Variants in DCC observed in about 807,000 individuals in gnomAD.
DCC encodes DCC netrin 1 receptor.
Under a neutral mutation model 172.5 loss-of-function variants are expected in DCC, and 58 were observed. The ratio of observed to expected loss-of-function variants is 0.34; its 90% CI spans 0.27 to 0.42. The LOEUF is 0.42. Ranked by LOEUF, DCC falls within the 10% of genes least tolerant of loss-of-function variation. The pLI, the probability that DCC is intolerant of heterozygous loss-of-function variation, is 1.00. For missense variants in DCC, 1,740 were observed against 1,791.0 expected (o/e 0.97, Z 0.51); for synonymous variants, 709 against 644.5 (o/e 1.10, Z -1.52).
intron 1 of DCC, among the ~76,000 whole-genome samples, chr18:52,581,306 GC>G (rs1266570350): frequency 4.7e-5 from 6 of 128,934 alleles, no homozygotes; most frequent in Admixed American, 1.6e-4. Flanking sequence ...ATGGCCTTAG[GC>G]AAACTATTTA....
rs935927449 is a variant in DCC, at chr18:53,534,688, C to T, written c.*4035C>T. ...CCATTCCAATGCAAAATATATGTAC[C>T]CATGCCTCAATGTATCTTGCTATCT... On this transcript the variant is annotated 3_prime_UTR_variant, in exon 29 of 29. Transcript: ENST00000442544. 1.3e-5 allele frequency: 2 copies of T among 152,014 alleles called. No homozygotes were observed. The highest frequency in any genetic ancestry group is 2.4e-5 in the African/African-American group (1 of 41,362). 9.4% of individuals were successfully genotyped at this position (152,014 alleles called of 1,614,324 possible). A position where few individuals can be genotyped will look rare whatever the true frequency, so the allele number is the denominator to read the frequency against.
intron 1 of DCC, among the ~76,000 whole-genome samples, chr18:52,738,134 T>G (rs2036757149): frequency 6.6e-6 from 1 of 152,166 alleles, no homozygotes; most frequent in South Asian, 2.1e-4. Flanking sequence ...TGATGGAAAG[T>G]TTGCCTTACC....
intron 1 of DCC, among the ~76,000 whole-genome samples, chr18:52,543,072 G>C (rs1449489057): frequency 2.0e-5 from 3 of 152,194 alleles, no homozygotes; most frequent in South Asian, 2.1e-4. Context: ...TATCAGGAGA[G>C]AGCCTGGGCT....
rs565625852 is a variant in DCC, at chr18:53,522,759, T to A, written c.4112-3858T>A. ...CCCCTCCTTACACCTTATACAAAAATTAACTCAAGATGGATTAAAGACTTA... is the reference window on the plus strand; with the variant it reads ...CCCCTCCTTACACCTTATACAAAAAATAACTCAAGATGGATTAAAGACTTA... On this transcript the variant is annotated intron_variant, in intron 27 of 28. Transcript: ENST00000442544. 1.1e-4 allele frequency among the ~76,000 whole-genome samples: 17 copies of A among 152,166 alleles called. No homozygotes were observed. In the South Asian group the frequency reaches 3.3e-3, roughly 30 times the overall value.
At chr18:52,748,955 G>T (rs573876733) in intron 1 of DCC, among the ~76,000 whole-genome samples, 1 of 152,186 alleles carries the variant, frequency 6.6e-6, no homozygotes, top group Non-Finnish European at 1.5e-5. Context: ...TCAGCACTTC[G>T]GGAGGCTGAG....
intron 12 of DCC, among the ~76,000 whole-genome samples, chr18:53,299,187 A>G (rs943782297): frequency 2.0e-5 from 3 of 152,192 alleles, no homozygotes; most frequent in African/African-American, 7.2e-5. Flanking sequence ...GTGTGTATTT[A>G]AGACTATGAG....
rs573378384 is a variant in DCC at position 52,415,657 on chromosome 18, G to A, written c.91+74779G>A. Among the ~76,000 whole-genome samples, 4 of 152,098 alleles carry A rather than the reference G, an allele frequency of 2.6e-5. No homozygotes were observed. The South Asian group carries it at 6.3e-4, about 24-fold the overall frequency. ...GGAGAGGTGATTAGGGAGGCTGTACGGTGCTGCCATATTATAAAAATAGAA... is the reference window on the plus strand; with the variant it reads ...GGAGAGGTGATTAGGGAGGCTGTACAGTGCTGCCATATTATAAAAATAGAA... On this transcript the variant is annotated intron_variant, in intron 1 of 28. Coordinates refer to ENST00000442544, the MANE Select transcript of DCC (RefSeq NM_005215.4).
chr18:52,984,653 C>T (rs188326353), intron 5 of DCC, among the ~76,000 whole-genome samples: 83 of 152,178 alleles, frequency 5.5e-4, no homozygotes, highest in Middle Eastern at 6.8e-3. Flanking sequence ...CATACATGCT[C>T]TTTGCCAATC....
intron 27 of DCC, among the ~76,000 whole-genome samples, chr18:53,507,169 AAGT>A (rs2046190807): frequency 6.6e-6 from 1 of 151,512 alleles, no homozygotes; most frequent in African/African-American, 2.4e-5. Context: ...TAAGTATTCT[AAGT>A]AGTTGACAGA....
rs946253525 is a variant in DCC at position 53,426,016 on chromosome 18, A to T, written c.3164-9128A>T. 3.3e-5 allele frequency among the ~76,000 whole-genome samples: 5 copies of T among 151,864 alleles called. No individual in the cohort carries two copies. The East Asian group carries it at 9.7e-4, about 29-fold the overall frequency. On this transcript the variant is annotated intron_variant, in intron 21 of 28. Transcript: ENST00000442544. ...TGCAGAGCATTTAGGGAGTTTTATTATTGTACCTCTGCCTTTTTTTTCTAA... is the reference window on the plus strand; with the variant it reads ...TGCAGAGCATTTAGGGAGTTTTATTTTTGTACCTCTGCCTTTTTTTTCTAA...
At chr18:52,822,611 C>T (rs1642022046) in intron 2 of DCC, among the ~76,000 whole-genome samples, 1 of 152,204 alleles carries the variant, frequency 6.6e-6, no homozygotes, top group South Asian at 2.1e-4. Context: ...GAGAGAATGT[C>T]AAGCTGCTAC....
chr18:52,440,198 A>G (rs957593140), intron 1 of DCC, among the ~76,000 whole-genome samples: 33 of 152,266 alleles, frequency 2.2e-4, no homozygotes, highest in African/African-American at 7.7e-4. Flanking sequence ...GCCATTCATC[A>G]GGGCCAGTTA....
intron 18 of DCC, 41 bp downstream of exon 18, chr18:53,397,487 GT>G (rs1909027595): frequency 6.2e-7 from 1 of 1,610,752 alleles, no homozygotes; most frequent in Non-Finnish European, 8.5e-7. Flanking sequence ...TGATAATGGT[GT>G]TTCCCAGGTT....
intron 7 of DCC, among the ~76,000 whole-genome samples, chr18:53,152,964 A>C (rs2054666707): frequency 6.6e-6 from 1 of 152,148 alleles, no homozygotes; most frequent in Non-Finnish European, 1.5e-5. Flanking sequence ...CTCTGTGAGA[A>C]GACACTCCCT....
At chr18:53,430,293 C>T (rs10163847) in intron 21 of DCC, among the ~76,000 whole-genome samples, 65,693 of 151,928 alleles carry the variant, frequency 0.43, 15,986 homozygotes, top group Non-Finnish European at 0.56. Flanking sequence ...ATGGACAATA[C>T]GTTTTTCTCT....
At chr18:52,770,821 A>G (rs200984383) in intron 2 of DCC, among the ~76,000 whole-genome samples, 2 of 152,226 alleles carry the variant, frequency 1.3e-5, no homozygotes, top group Non-Finnish European at 2.9e-5. Flanking sequence ...AAAAGTCTGC[A>G]TGTAGAAGTC....
chr18:53,314,736 A>T (rs2057323987), intron 13 of DCC, among the ~76,000 whole-genome samples: 1 of 152,158 alleles, frequency 6.6e-6, no homozygotes, highest in South Asian at 2.1e-4. Context: ...TGTTTTAAGG[A>T]TAAAATATAA....
intron 2 of DCC, among the ~76,000 whole-genome samples, chr18:52,756,189 T>C (rs2037073082): frequency 6.6e-6 from 1 of 152,210 alleles, no homozygotes; most frequent in Non-Finnish European, 1.5e-5. Context: ...AATGCTGCAG[T>C]GTTTCTGTGC....
At chr18:52,825,563 A>C (rs1315895150) in intron 2 of DCC, among the ~76,000 whole-genome samples, 1 of 152,180 alleles carries the variant, frequency 6.6e-6, no homozygotes, top group Non-Finnish European at 1.5e-5. Context: ...TGTCTAAATC[A>C]GTGACAATGG....
Sources: gnomAD v4.1 joint callset for allele counts (sites outside exome capture counted in the v4.1 genomes callset) on GRCh38, gnomAD v4.1.1 for gene constraint, MANE v1.5 for transcripts, NCBI Gene and HGNC (gene_info 2026-07-23, HGNC 2026-07-21) for gene names.